Variants in PDGFD observed in about 807,000 individuals in gnomAD.
The protein encoded by PDGFD is platelet-derived growth factor D.
Under a neutral mutation model 44.7 loss-of-function variants are expected in PDGFD, and 30 were observed. The observed-to-expected ratio is 0.67, with a 90% CI of 0.50 to 0.91. The LOEUF is 0.91. PDGFD is among the 40% of genes least tolerant of loss of function. The pLI, the probability that PDGFD is intolerant of heterozygous loss-of-function variation, is 0.00. For synonymous variants in PDGFD, 173 were observed against 168.4 expected (o/e 1.03, Z -0.21); for missense variants, 445 against 457.8 (o/e 0.97, Z 0.25).
At position 104,037,444 on chromosome 11, in the gene PDGFD, C is replaced by G. The variant is rs114077203; in HGVS notation, c.125-37189G>C. The G allele has an allele frequency of 4.1e-4, 656 of 1,614,030 alleles. 1 individual carries two copies. In the African/African-American group the frequency reaches 7.9e-3, roughly 19 times the overall value. On this transcript the variant is annotated intron_variant, in intron 1 of 6. Transcript: ENST00000393158. Reference sequence around the variant, plus strand: ...TCTCTACACAGCCGACCCACTGGATCGGGAAGCTCAGGCCAAAATAGAAGA... The same window carrying G: ...TCTCTACACAGCCGACCCACTGGATGGGGAAGCTCAGGCCAAAATAGAAGA...
At chr11:103,919,502 CTTTTTTT>C (rs71037206) in intron 6 of PDGFD, among the ~76,000 whole-genome samples, 4 of 88,778 alleles carry the variant, frequency 4.5e-5, no homozygotes, top group South Asian at 4.4e-4. Context: ...AAGATTCTTC[CTTTTTTT>C]TTTTTTTTTT....
chr11:104,155,985 C>T (rs1177693325), intron 1 of PDGFD, among the ~76,000 whole-genome samples: 6 of 152,056 alleles, frequency 3.9e-5, no homozygotes, highest in African/African-American at 1.2e-4. Flanking sequence ...CTAATATATA[C>T]AACATAGGGA....
chr11:104,140,932 C>T (rs757107590), intron 1 of PDGFD, among the ~76,000 whole-genome samples: 54 of 152,188 alleles, frequency 3.5e-4, no homozygotes, highest in African/African-American at 1.1e-3. Context: ...CTTACCTTGG[C>T]TATGTTAATA....
intron 1 of PDGFD, among the ~76,000 whole-genome samples, chr11:104,006,676 A>G (rs1859706906): frequency 6.6e-6 from 1 of 152,200 alleles, no homozygotes; most frequent in Non-Finnish European, 1.5e-5. Flanking sequence ...GAATGGACGA[A>G]CAGCGTGGCA....
intron 1 of PDGFD, among the ~76,000 whole-genome samples, chr11:104,029,895 T>C (rs1860098726): frequency 6.6e-6 from 1 of 152,148 alleles, no homozygotes; most frequent in South Asian, 2.1e-4. Context: ...AACTATGATA[T>C]CCACTAATTA....
At chr11:104,023,788 A>T (rs1299625124) in intron 1 of PDGFD, among the ~76,000 whole-genome samples, 1 of 152,184 alleles carries the variant, frequency 6.6e-6, no homozygotes. Context: ...CAAGAAGTCT[A>T]TCACAGCTTA....
chr11:104,159,146 T>G (rs1235933928), intron 1 of PDGFD, among the ~76,000 whole-genome samples: 1 of 103,896 alleles, frequency 9.6e-6, no homozygotes, highest in African/African-American at 3.9e-5. Flanking sequence ...AGAGGCAGAC[T>G]CCATCTCAAA....
intron 1 of PDGFD, among the ~76,000 whole-genome samples, chr11:104,120,159 CATTG>C (rs1231795909): frequency 6.6e-6 from 1 of 150,856 alleles, no homozygotes; most frequent in East Asian, 1.9e-4. Flanking sequence ...CCTTAAATTG[CATTG>C]ATTATTTTTT....
intron 1 of PDGFD, among the ~76,000 whole-genome samples, chr11:104,155,860 T>C (rs762920774): frequency 6.6e-5 from 10 of 152,158 alleles, no homozygotes; most frequent in Non-Finnish European, 1.2e-4. Context: ...AAAGACTTTT[T>C]CAGAACCAAC....
chr11:104,017,244 C>A (rs1171246206), intron 1 of PDGFD, among the ~76,000 whole-genome samples: 1 of 152,204 alleles, frequency 6.6e-6, no homozygotes, highest in East Asian at 1.9e-4. Flanking sequence ...AAATAAATTT[C>A]TGTTGCTTAA....
chr11:104,104,189 C>T (rs59912919), intron 1 of PDGFD, among the ~76,000 whole-genome samples: 1,738 of 152,182 alleles, frequency 0.011, 29 homozygotes, highest in African/African-American at 0.04. Context: ...TTTTGTACAT[C>T]TGTATAATGT....
intron 6 of PDGFD, among the ~76,000 whole-genome samples, chr11:103,921,946 G>C (rs1858230783): frequency 6.6e-6 from 1 of 150,894 alleles, no homozygotes; most frequent in African/African-American, 2.4e-5. Flanking sequence ...ACAGCCACAT[G>C]TTGCTAGTGA....
intron 1 of PDGFD, among the ~76,000 whole-genome samples, chr11:104,111,189 G>GAAACTA (rs1287649211): frequency 6.1e-5 from 9 of 148,572 alleles, no homozygotes; most frequent in Middle Eastern, 3.7e-3. Flanking sequence ...CCATTCAGAA[G>GAAACTA]AAACTAAAAT....
intron 1 of PDGFD, among the ~76,000 whole-genome samples, chr11:104,040,996 G>A (rs183383377): frequency 3.2e-4 from 49 of 151,926 alleles, no homozygotes; most frequent in Middle Eastern, 3.4e-3. Context: ...CAAATGCCAA[G>A]TTCCTTTGCA....
At chr11:104,067,686 T>A (rs1352553239) in intron 1 of PDGFD, among the ~76,000 whole-genome samples, 2 of 152,152 alleles carry the variant, frequency 1.3e-5, no homozygotes, top group Non-Finnish European at 2.9e-5. Flanking sequence ...CAGAAAAAGA[T>A]AAATTTAAAG....
At chr11:104,102,877 A>C (rs559259231) in intron 1 of PDGFD, among the ~76,000 whole-genome samples, 44 of 152,300 alleles carry the variant, frequency 2.9e-4, no homozygotes, top group African/African-American at 1.0e-3. Context: ...GAAATGAACA[A>C]TGAGAACACA....
intron 5 of PDGFD, among the ~76,000 whole-genome samples, chr11:103,933,022 C>T (rs145409642): frequency 5.9e-5 from 9 of 152,266 alleles, no homozygotes; most frequent in Non-Finnish European, 1.2e-4. Context: ...ATAGGAGTGG[C>T]ACACATGGTA....
chr11:104,064,571 G>C (rs1011013726), intron 1 of PDGFD, among the ~76,000 whole-genome samples: 1 of 152,074 alleles, frequency 6.6e-6, no homozygotes, highest in East Asian at 1.9e-4. Context: ...TTTGGATTGT[G>C]ATGAATTTAG....
chr11:104,074,884 TA>T (rs1860933021), intron 1 of PDGFD, among the ~76,000 whole-genome samples: 1 of 152,338 alleles, frequency 6.6e-6, no homozygotes, highest in Admixed American at 6.5e-5. Flanking sequence ...AAAGTCACCG[TA>T]AAACTAGATT....
Sources: allele counts gnomAD v4.1 joint callset (sites outside exome capture counted in the v4.1 genomes callset), GRCh38; gene constraint gnomAD v4.1.1; transcripts MANE v1.5; gene names NCBI Gene and HGNC (gene_info 2026-07-23, HGNC 2026-07-21).